The following KCNH7 variants were observed in gnomAD, a reference collection of about 807,000 sequenced individuals.
KCNH7 encodes voltage-gated inwardly rectifying potassium channel KCNH7.
Under a neutral mutation model 120.8 loss-of-function variants are expected in KCNH7, and 49 were observed. That is an observed-to-expected ratio of 0.41 (90% CI 0.32 to 0.51). The LOEUF is 0.51. Ranked by LOEUF, KCNH7 falls within the 20% of genes least tolerant of loss-of-function variation. The pLI is 0.38. For synonymous variants in KCNH7, 547 were observed against 516.1 expected, an observed-to-expected ratio of 1.06 and a Z score of -0.81; for missense variants, 1,097 against 1,446.6, an observed-to-expected ratio of 0.76 and a Z score of 3.92.
At chr2:162,376,510 G>A (rs1195192740) in intron 14 of KCNH7, among the ~76,000 whole-genome samples, 6 of 151,816 alleles carry the variant, frequency 4.0e-5, no homozygotes, top group Admixed American at 2.0e-4. Context: ...CATTACAGGC[G>A]CCCGCCACCA....
At chr2:162,453,190 A>T (rs779702221) in intron 6 of KCNH7, among the ~76,000 whole-genome samples, 6 of 151,930 alleles carry the variant, frequency 3.9e-5, no homozygotes, top group Non-Finnish European at 8.8e-5. Flanking sequence ...TTCAACTCCC[A>T]CTTATAAGTG....
At chr2:162,494,967 T>G (rs910757731) in intron 6 of KCNH7, among the ~76,000 whole-genome samples, 2 of 152,210 alleles carry the variant, frequency 1.3e-5, no homozygotes, top group African/African-American at 4.8e-5. Context: ...TCAAGGAAAT[T>G]TATTTTGAAC....
chr2:162,749,658 T>A (rs1688473588), intron 2 of KCNH7, among the ~76,000 whole-genome samples: 1 of 152,014 alleles, frequency 6.6e-6, no homozygotes, highest in Non-Finnish European at 1.5e-5. Flanking sequence ...ATTGAAGGAG[T>A]CAGCCAATCC....
intron 2 of KCNH7, among the ~76,000 whole-genome samples, chr2:162,551,289 A>C (rs1198029767): frequency 1.3e-5 from 2 of 152,220 alleles, no homozygotes; most frequent in Non-Finnish European, 2.9e-5. Flanking sequence ...AAAGCACCAC[A>C]ATGTGTTTAC....
chr2:162,476,346 G>A (rs1574005083), intron 6 of KCNH7, among the ~76,000 whole-genome samples: 2 of 152,082 alleles, frequency 1.3e-5, no homozygotes, highest in African/African-American at 4.8e-5. Flanking sequence ...TATTTGCCTG[G>A]CATTACTATT....
chr2:162,399,077 T>C (rs993189177), intron 10 of KCNH7, among the ~76,000 whole-genome samples: 10 of 151,748 alleles, frequency 6.6e-5, no homozygotes, highest in Non-Finnish European at 1.3e-4. Flanking sequence ...TATGTGAACA[T>C]CAAAAGCTAA....
chr2:162,728,743 A>G (rs1687617041), intron 2 of KCNH7, among the ~76,000 whole-genome samples: 1 of 152,148 alleles, frequency 6.6e-6, no homozygotes, highest in South Asian at 2.1e-4. Flanking sequence ...GCGCCATTGT[A>G]CTCCAGCCTG....
At chr2:162,722,813 C>CTTTTTTTT (rs894023630) in intron 2 of KCNH7, among the ~76,000 whole-genome samples, 3,161 of 83,738 alleles carry the variant, frequency 0.038, 114 homozygotes, top group African/African-American at 0.073. Context: ...TTCTTTTTTT[C>CTTTTTTTT]TTTTTTTTTT....
At chr2:162,586,822 A>T (rs1694036134) in intron 2 of KCNH7, among the ~76,000 whole-genome samples, 1 of 152,054 alleles carries the variant, frequency 6.6e-6, no homozygotes, top group South Asian at 2.1e-4. Flanking sequence ...ACCCATTAAA[A>T]TTTAAAAATG....
At chr2:162,810,525 T>C (rs1684701360) in intron 2 of KCNH7, among the ~76,000 whole-genome samples, 1 of 152,024 alleles carries the variant, frequency 6.6e-6, no homozygotes, top group Non-Finnish European at 1.5e-5. Flanking sequence ...TGAGTAGAGG[T>C]CAGCTAATAT....
intron 2 of KCNH7, among the ~76,000 whole-genome samples, chr2:162,549,815 G>A (rs1692606768): frequency 6.6e-6 from 1 of 152,108 alleles, no homozygotes; most frequent in Admixed American, 6.5e-5. Flanking sequence ...TAATATTGTA[G>A]CATCAATGCT....
intron 2 of KCNH7, among the ~76,000 whole-genome samples, chr2:162,806,322 C>T (rs147471045): frequency 3.3e-5 from 5 of 152,240 alleles, no homozygotes; most frequent in African/African-American, 7.2e-5. Flanking sequence ...TCTCTCCATA[C>T]GTCACCTTCA....
At position 162,448,654 on chromosome 2, in the gene KCNH7, C is replaced by T. The variant is rs556968470; in HGVS notation, c.1129-2211G>A. On this transcript the variant is annotated intron_variant, in intron 6 of 15. Transcript: ENST00000332142. ...CCTCCCACATGGGGCAATTGCAATA[C>T]CTCTTTTAGCAGAAGTATGAATTAG... Among the ~76,000 whole-genome samples, 3 of 152,180 alleles carry T rather than the reference C, an allele frequency of 2.0e-5. No individual in the cohort carries two copies. The East Asian group carries it at 5.8e-4, about 29-fold the overall frequency.
intron 2 of KCNH7, among the ~76,000 whole-genome samples, chr2:162,576,648 T>C (rs112580955): frequency 2.0e-4 from 22 of 108,192 alleles, no homozygotes; most frequent in African/African-American, 7.0e-4. Context: ...GTGTTTTGGG[T>C]TTTTTGGGGT....
chr2:162,492,882 T>TG (rs1690363810), intron 6 of KCNH7, among the ~76,000 whole-genome samples: 1 of 141,110 alleles, frequency 7.1e-6, no homozygotes, highest in Non-Finnish European at 1.5e-5. Flanking sequence ...TTTTTTTTTT[T>TG]TTTTTTTTTT....
intron 7 of KCNH7, among the ~76,000 whole-genome samples, chr2:162,442,083 CTCTGCTATCTCTGCTCACTGCA>C (rs1688439879): frequency 3.3e-5 from 4 of 121,476 alleles, no homozygotes; most frequent in Non-Finnish European, 6.4e-5. Context: ...GTGGTGCGAT[CTCTGCTATCTCTGCTCACTGCA>C]AGCTCCGCCT....
At chr2:162,739,938 T>C (rs1688061010) in intron 2 of KCNH7, among the ~76,000 whole-genome samples, 1 of 151,942 alleles carries the variant, frequency 6.6e-6, no homozygotes, top group African/African-American at 2.4e-5. Flanking sequence ...GCACTGTAAA[T>C]GGGGAGAATT....
chr2:162,793,590 T>C (rs929898865), intron 2 of KCNH7, among the ~76,000 whole-genome samples: 2 of 151,972 alleles, frequency 1.3e-5, no homozygotes, highest in Admixed American at 6.6e-5. Flanking sequence ...ATATCCCACA[T>C]TCATGGATTG....
At chr2:162,635,875 A>G (rs1683939024) in intron 2 of KCNH7, among the ~76,000 whole-genome samples, 1 of 152,082 alleles carries the variant, frequency 6.6e-6, no homozygotes, top group African/African-American at 2.4e-5. Context: ...TCCACAAGCC[A>G]GAGGGATTTT....
Sources: gnomAD v4.1 joint callset for allele counts (sites outside exome capture counted in the v4.1 genomes callset) on GRCh38, gnomAD v4.1.1 for gene constraint, MANE v1.5 for transcripts, NCBI Gene and HGNC (gene_info 2026-07-23, HGNC 2026-07-21) for gene names.